Variants in GABRB1 observed in about 807,000 individuals in gnomAD.
The protein encoded by GABRB1 is gamma-aminobutyric acid receptor subunit beta-1.
Under a neutral mutation model 51.6 loss-of-function variants are expected in GABRB1, and 17 were observed. The observed-to-expected ratio is 0.33, with a 90% confidence interval of 0.23 to 0.49. The LOEUF (loss-of-function observed/expected upper bound fraction) is 0.49. Among genes scored for constraint, GABRB1 ranks in the 20% least tolerant of loss-of-function variants. GABRB1 has a pLI of 0.99. For synonymous variants in GABRB1, 247 were observed against 218.9 expected (o/e 1.13, Z -1.14); for missense variants, 410 against 600.6 (o/e 0.68, Z 3.32).
At chr4:47,064,829 A>C (rs373732593) in intron 3 of GABRB1, among the ~76,000 whole-genome samples, 1 of 152,122 alleles carries the variant, frequency 6.6e-6, no homozygotes, top group African/African-American at 2.4e-5. Context: ...TAGTGTGTAG[A>C]GGGTGTTCAA....
intron 1 of GABRB1, 23 bp downstream of exon 1, chr4:47,031,754 C>G: frequency 5.3e-6 from 2 of 379,822 alleles, no homozygotes; most frequent in South Asian, 4.8e-5. Context: ...TGTTGAATCT[C>G]GCTCTCTCTC....
rs185872603 is a variant in GABRB1, at chr4:47,224,931, G to T, written c.461+63462G>T. ...GTTTTTGAGACAGAGTTTCATTCTT[G>T]TTGCTCAGGCTGGAGTGCAATGGTG... On this transcript the variant is annotated intron_variant, in intron 4 of 8. Transcript: ENST00000295454. Among the ~76,000 whole-genome samples, 197 of 151,862 alleles carry T rather than the reference G, an allele frequency of 1.3e-3. 1 individual carries two copies. Among genetic ancestry groups the T allele is most frequent in the African/African-American group, 4.5e-3 (188 of 41,424 alleles).
intron 5 of GABRB1, among the ~76,000 whole-genome samples, chr4:47,362,588 C>T (rs1404036582): frequency 6.6e-6 from 1 of 151,994 alleles, no homozygotes; most frequent in Non-Finnish European, 1.5e-5. Flanking sequence ...TATAGTGATC[C>T]ATTAACCTGG....
At chr4:47,023,608 A>C (rs992561960) in intron 1 of GABRB1, among the ~76,000 whole-genome samples, 2 of 152,036 alleles carry the variant, frequency 1.3e-5, no homozygotes, top group African/African-American at 4.8e-5. Flanking sequence ...AGTATAAAAG[A>C]AGAAAAAATA....
intron 5 of GABRB1, among the ~76,000 whole-genome samples, chr4:47,374,506 G>A (rs575514313): frequency 6.6e-6 from 1 of 152,338 alleles, no homozygotes; most frequent in African/African-American, 2.4e-5. Flanking sequence ...TATTTGTTTA[G>A]GAGACCTTAT....
chr4:47,332,726 T>A (rs1437226333), intron 5 of GABRB1, among the ~76,000 whole-genome samples: 1 of 148,228 alleles, frequency 6.7e-6, no homozygotes. Context: ...CCATGCATTG[T>A]TTTTTTTTCC....
At chr4:47,312,641 T>C (rs902524502) in intron 4 of GABRB1, among the ~76,000 whole-genome samples, 6 of 152,174 alleles carry the variant, frequency 3.9e-5, no homozygotes, top group African/African-American at 1.4e-4. Context: ...GTTCAGCATT[T>C]TTAGGGGATT....
intron 5 of GABRB1, among the ~76,000 whole-genome samples, chr4:47,349,837 T>C (rs1462985456): frequency 6.6e-6 from 1 of 152,224 alleles, no homozygotes; most frequent in East Asian, 1.9e-4. Flanking sequence ...CCAGCTCTGA[T>C]ATTAATTCTT....
chr4:47,384,906 A>T (rs1423757521), intron 5 of GABRB1, among the ~76,000 whole-genome samples: 1 of 152,174 alleles, frequency 6.6e-6, no homozygotes. Context: ...TGCCAAATAG[A>T]TTAGGCATTC....
chr4:47,336,732 AAC>A (rs1285312089), intron 5 of GABRB1, among the ~76,000 whole-genome samples: 9 of 152,232 alleles, frequency 5.9e-5, no homozygotes, highest in Non-Finnish European at 1.3e-4. Context: ...TGGATTTAGC[AAC>A]ACAGAGTGCT....
intron 4 of GABRB1, among the ~76,000 whole-genome samples, chr4:47,202,607 A>C (rs894707994): frequency 2.0e-5 from 3 of 152,184 alleles, no homozygotes; most frequent in Non-Finnish European, 4.4e-5. Context: ...GAACAATTGA[A>C]ATACATCCTG....
chr4:47,339,333 A>G (rs1725802832), intron 5 of GABRB1, among the ~76,000 whole-genome samples: 1 of 152,168 alleles, frequency 6.6e-6, no homozygotes, highest in African/African-American at 2.4e-5. Flanking sequence ...AGACATGAAA[A>G]CCAGGCATTG....
intron 5 of GABRB1, among the ~76,000 whole-genome samples, chr4:47,334,012 C>T (rs1397556239): frequency 5.9e-5 from 9 of 152,162 alleles, no homozygotes; most frequent in African/African-American, 1.7e-4. Flanking sequence ...GCTTGCCTGC[C>T]CTCATCTTAG....
At position 47,234,991 on chromosome 4, in the gene GABRB1, T is replaced by G. The variant is rs185319612; in HGVS notation, c.461+73522T>G. ...CGAGGTTTGAGATCATCTTTTACATTGTTCTATCTTGTATCCTTTGTATTC... is the reference window on the plus strand; with the variant it reads ...CGAGGTTTGAGATCATCTTTTACATGGTTCTATCTTGTATCCTTTGTATTC... On this transcript the variant is annotated intron_variant, in intron 4 of 8. Transcript: ENST00000295454. Among the ~76,000 whole-genome samples the G allele has an allele frequency of 4.6e-5, 7 of 152,288 alleles. No homozygotes were observed. The East Asian group carries it at 1.2e-3, about 25-fold the overall frequency.
rs192737455 is a variant in GABRB1 at position 47,052,059 on chromosome 4, G to A, written c.240+19575G>A. On this transcript the variant is annotated intron_variant, in intron 3 of 8. Transcript: ENST00000295454. ...CAGTAGAATCTGCTTGAACCCAGGA[G>A]GTAGAGGTTGCAGTGAGCCGAGATT... Among the ~76,000 whole-genome samples the A allele has an allele frequency of 7.2e-5, 11 of 152,244 alleles. No individual in the cohort carries two copies. In the East Asian group the frequency reaches 2.1e-3, roughly 29 times the overall value.
intron 1 of GABRB1, among the ~76,000 whole-genome samples, chr4:47,007,141 A>AC (rs1724428148): frequency 5.0e-5 from 4 of 80,796 alleles, no homozygotes; most frequent in Non-Finnish European, 1.2e-4. Context: ...CCCTGTTTGG[A>AC]TAAAAAAAAA....
intron 3 of GABRB1, among the ~76,000 whole-genome samples, chr4:47,085,611 T>A (rs1243072898): frequency 6.6e-6 from 1 of 152,192 alleles, no homozygotes; most frequent in Non-Finnish European, 1.5e-5. Flanking sequence ...GAGCTTGTTT[T>A]TCAAGGAAAG....
At chr4:46,994,924 G>C (rs984839525) in intron 1 of GABRB1, among the ~76,000 whole-genome samples, 1 of 152,146 alleles carries the variant, frequency 6.6e-6, no homozygotes, top group Non-Finnish European at 1.5e-5. Flanking sequence ...TGTTTTAAAC[G>C]TCTGGATTCA....
intron 3 of GABRB1, among the ~76,000 whole-genome samples, chr4:47,110,033 G>T (rs1174313415): frequency 6.6e-6 from 1 of 152,020 alleles, no homozygotes; most frequent in Non-Finnish European, 1.5e-5. Flanking sequence ...GTCAAGAAGG[G>T]GGCTGTAACC....
Sources: gnomAD v4.1 joint callset for allele counts (sites outside exome capture counted in the v4.1 genomes callset) on GRCh38, gnomAD v4.1.1 for gene constraint, MANE v1.5 for transcripts, NCBI Gene and HGNC (gene_info 2026-07-23, HGNC 2026-07-21) for gene names.